The following KDM6B variants were observed in gnomAD, a reference collection of about 807,000 sequenced individuals.
The protein encoded by KDM6B is lysine demethylase 6B, also known as lysine-specific demethylase 6B.
Under a neutral mutation model 150.4 loss-of-function variants are expected in KDM6B, and 22 were observed. The observed-to-expected ratio is 0.15, with a 90% CI of 0.10 to 0.21. The LOEUF (loss-of-function observed/expected upper bound fraction) is 0.21, where lower values mean the gene tolerates loss of function less well. Ranked by LOEUF, KDM6B falls within the 10% of genes least tolerant of loss-of-function variation. The probability of loss-of-function intolerance (pLI) is 1.00; values close to 1 mark genes in which losing one functional copy is unlikely to be tolerated. For missense variants in KDM6B, 1,984 were observed against 2,234.3 expected, an observed-to-expected ratio of 0.89 and a Z score of 2.26; for synonymous variants, 1,148 against 921.1, an observed-to-expected ratio of 1.25 and a Z score of -4.46.
chr17:7,835,143 C>G (rs2078307647), intron 1 of KDM6B, among the ~76,000 whole-genome samples: 2 of 152,132 alleles, frequency 1.3e-5, no homozygotes. Context: ...TCTGGGCCCC[C>G]TCACAGGAAA....
intron 20 of KDM6B, 47 bp from the exon 21 acceptor site, chr17:7,852,448 T>A (rs200413847): frequency 5.4e-6 from 7 of 1,289,832 alleles, no homozygotes; most frequent in Non-Finnish European, 6.3e-6. Flanking sequence ...GGCCTAGGTG[T>A]CTGGGGGCTG....
rs2078567475 is a variant in KDM6B at position 7,847,170 on chromosome 17, T to C, written c.975T>C (p.Pro325=). Residue 325 remains proline, a synonymous_variant, in exon 11 of 24, where the codon CCT becomes CCC. Transcript: ENST00000448097. ...YPAPAYTAHP[P]GHRLVPAAPP... ...CTCCAGCGTACACCGCGCACCCCCC[T>C]GGCCACCGGCTGGTCCCGGCTGCTC... is the stretch of plus-strand genomic sequence containing the variant. 1.2e-6 allele frequency: 2 copies of C among 1,604,518 alleles called. No individual in the cohort carries two copies. Among genetic ancestry groups the C allele is most frequent in the Admixed American group, 1.7e-5 (1 of 59,950 alleles).
Position 7,851,061 on chromosome 17 carries a change from T to C in KDM6B, c.3714T>C (p.Ser1238=), listed in dbSNP as rs933989162. 6.2e-7 allele frequency: 1 copy of C among 1,612,434 alleles called. No individual in the cohort carries two copies. The highest frequency in any genetic ancestry group is 8.5e-7 in the Non-Finnish European group (1 of 1,179,678). Residue 1238 remains serine, a synonymous_variant, in exon 15 of 24, where the codon AGT becomes AGC. Transcript: ENST00000448097. The part of the protein sequence containing the change: ...LFSTKTLVEA[S]GEHTVEVRTQ... ...CCACCAAGACCCTGGTGGAAGCGAG[T>C]GGCGAACACACCGTGGAAGTTCGCA...
At chr17:7,839,553 G>A (rs1483918025) in intron 1 of KDM6B, among the ~76,000 whole-genome samples, 2 of 152,120 alleles carry the variant, frequency 1.3e-5, no homozygotes, top group African/African-American at 2.4e-5. Flanking sequence ...TGCATGCCCT[G>A]GTGCTAGGAC....
Position 7,844,773 on chromosome 17 carries a change from G to C in KDM6B, c.-268-128G>C, listed in dbSNP as rs1444269486. 6.5e-6 allele frequency: 1 copy of C among 153,236 alleles called. No homozygotes were observed. Among genetic ancestry groups the C allele is most frequent in the Non-Finnish European group, 1.5e-5 (1 of 68,444 alleles). 9.5% of individuals were successfully genotyped at this position (153,236 alleles called of 1,614,324 possible). Reference sequence around the variant, plus strand: ...GCCGGAGTGTCGGATCCTAGATGGGGACCCTAGGTGGGAGCCGCGGGGTCA... The same window carrying C: ...GCCGGAGTGTCGGATCCTAGATGGGCACCCTAGGTGGGAGCCGCGGGGTCA... On this transcript the variant is annotated intron_variant, in intron 2 of 23. Transcript: ENST00000448097. The surrounding 1 kb of genome is among the most constrained non-coding windows in gnomAD (Gnocchi z 5.9).
In KDM6B at chr17:7,848,219, C is replaced by T. The variant is rs2078605466; in HGVS notation, c.1931C>T (p.Pro644Leu). The T allele has an allele frequency of 6.2e-7, 1 of 1,608,106 alleles. No individual in the cohort carries two copies. Among genetic ancestry groups the T allele is most frequent in the Admixed American group, 1.7e-5 (1 of 59,984 alleles). The change falls in exon 12 of 24, where the codon CCA becomes CTA. Residue 644 changes from proline to leucine, a missense_variant. By Grantham distance (98) the Pro-to-Leu change is moderately conservative. Around this residue, in one of 13 missense-constraint regions of KDM6B, gnomAD observed 1,379 missense variants for 1,275.6 expected, o/e 1.08. Coordinates refer to ENST00000448097, the MANE Select transcript of KDM6B (RefSeq NM_001348716.2). ...AAGACCCCCGAGGTGGGGCCGGGGCCACCCCCAGGCCCCCTGAGTAAAGCC... is the reference window on the plus strand; with the variant it reads ...AAGACCCCCGAGGTGGGGCCGGGGCTACCCCCAGGCCCCCTGAGTAAAGCC... ...FPKTPEVGPG[P>L]PPGPLSKAPQ...
chr17:7,851,803 T>G lies in KDM6B; in HGVS notation c.4165+7T>G, dbSNP rs752816241. On this transcript the variant is annotated splice_region_variant and intron_variant, in intron 18 of 23. Coordinates refer to ENST00000448097, the MANE Select transcript of KDM6B (RefSeq NM_001348716.2). ...CCCGGCAGCCGAACGCCAGGTGCGC[T>G]CCACGCCTGTGCGCGCTGATGCTGG... 5.8e-6 allele frequency: 9 copies of G among 1,555,462 alleles called. No homozygotes were observed. Among genetic ancestry groups the G allele is most frequent in the Non-Finnish European group, 7.8e-6 (9 of 1,149,924 alleles).
In KDM6B at chr17:7,849,921, C is replaced by T; in HGVS notation, c.3541C>T (p.Leu1181Phe). ...NTEEKLPREK[L>F]NPPTPSIYLE... Reference sequence around the variant, plus strand: ...TGAGGAGAAGCTGCCCCGGGAAAAACTCAACCCCCCTACACCCAGCATCTA... The same window carrying T: ...TGAGGAGAAGCTGCCCCGGGAAAAATTCAACCCCCCTACACCCAGCATCTA... Residue 1181 changes from leucine (L) to phenylalanine (F), a missense_variant, in exon 13 of 24, where the codon CTC becomes TTC. Physicochemically the swap from Leu to Phe is conservative, Grantham distance 22. Coordinates refer to ENST00000448097, the MANE Select transcript of KDM6B (RefSeq NM_001348716.2). The T allele has an allele frequency of 6.2e-7, 1 of 1,613,618 alleles. No homozygotes were observed. Among genetic ancestry groups the T allele is most frequent in the Non-Finnish European group, 8.5e-7 (1 of 1,180,032 alleles).
intron 21 of KDM6B, 38 bp downstream of exon 21, chr17:7,852,674 ACTGGTCC>A: frequency 1.9e-6 from 3 of 1,613,132 alleles, no homozygotes; most frequent in Non-Finnish European, 2.5e-6. Flanking sequence ...ACCTCCACTG[ACTGGTCC>A]CTTTTCTTGT....
Position 7,844,992 on chromosome 17 carries a change from C to CA in KDM6B, c.-177_-176insA. Reference sequence around the variant, plus strand: ...GCCAGATCTCTGGAGCTTGCCGACGCGGTGTGAGGACGCTCCCACGGAGGC... The same window carrying CA: ...GCCAGATCTCTGGAGCTTGCCGACGCAGGTGTGAGGACGCTCCCACGGAGGC... On this transcript the variant is annotated 5_prime_UTR_variant, in exon 3 of 24. Coordinates refer to ENST00000448097, the MANE Select transcript of KDM6B (RefSeq NM_001348716.2). This position sits in a 1 kb window ranked among gnomAD's most constrained non-coding sequence, Gnocchi z 5.9. 1 of 175,206 alleles carries CA rather than the reference C, an allele frequency of 5.7e-6. No individual in the cohort carries two copies. Among genetic ancestry groups the CA allele is most frequent in the South Asian group, 1.1e-4 (1 of 8,968 alleles). The allele number at this position is 175,206 out of a possible 1,614,324, so 10.9% of individuals were successfully genotyped here.
intron 1 of KDM6B, among the ~76,000 whole-genome samples, chr17:7,837,180 C>T (rs368764076): frequency 6.6e-6 from 1 of 152,124 alleles, no homozygotes; most frequent in South Asian, 2.1e-4. Flanking sequence ...GCTACCTAGC[C>T]GTCATTTTAC....
Position 7,844,430 on chromosome 17 carries a change from G to C in KDM6B, c.-268-471G>C, listed in dbSNP as rs529234061. Reference sequence around the variant, plus strand: ...GTGGAGCGCCGATAGCGGCGCGGACGGGTTTGGGTGCCGTGGAAGTCGCTG... The same window carrying C: ...GTGGAGCGCCGATAGCGGCGCGGACCGGTTTGGGTGCCGTGGAAGTCGCTG... On this transcript the variant is annotated intron_variant, in intron 2 of 23. Transcript: ENST00000448097. This position sits in a 1 kb window ranked among gnomAD's most constrained non-coding sequence, Gnocchi z 5.9. The C allele has an allele frequency of 1.3e-4, 20 of 152,572 alleles. No individual in the cohort carries two copies. In the South Asian group the frequency reaches 3.1e-3, roughly 24 times the overall value. 9.5% of individuals were successfully genotyped at this position (152,572 alleles called of 1,614,324 possible).
Position 7,845,900 on chromosome 17 carries a change from C to T in KDM6B, c.166C>T (p.Leu56Phe). The change falls in exon 6 of 24, where the codon CTT (leucine) becomes TTT (phenylalanine). Residue 56 changes from leucine to phenylalanine, a missense_variant. Leu to Phe is a conservative substitution (Grantham distance 22, BLOSUM62 0). Around this residue, in one of 13 missense-constraint regions of KDM6B, gnomAD observed 337 missense variants for 323.9 expected, o/e 1.04. Transcript: ENST00000448097. ...CTCAGCCAGCATTGGGCAGCCCCCG[C>T]TTCCTGCTCCCCTACCCCCTTCACA... Reference protein sequence around the residue: ...RCSASIGQPPLPAPLPPSHGS... With the variant: ...RCSASIGQPPFPAPLPPSHGS... The T allele has an allele frequency of 6.2e-7, 1 of 1,614,060 alleles. No homozygotes were observed.
chr17:7,854,028 A>G lies in KDM6B; in HGVS notation c.*507A>G, dbSNP rs73977769. The G allele has an allele frequency of 7.8e-3, 1,190 of 152,144 alleles. 11 individuals carry two copies. Among genetic ancestry groups the G allele is most frequent in the African/African-American group, 0.027 (1,110 of 41,220 alleles). 9.4% of individuals were successfully genotyped at this position (152,144 alleles called of 1,614,324 possible). On this transcript the variant is annotated 3_prime_UTR_variant, in exon 24 of 24. Transcript: ENST00000448097. ...GACCCCTGTACATGTCTCTTTATTCACTTGGTTATGATTTGTATTTTTTGT... is the reference window on the plus strand; with the variant it reads ...GACCCCTGTACATGTCTCTTTATTCGCTTGGTTATGATTTGTATTTTTTGT...
intron 19 of KDM6B, 38 bp from the exon 20 acceptor site, chr17:7,852,111 G>GGTC (rs772870561): frequency 6.2e-7 from 1 of 1,613,806 alleles, no homozygotes. Flanking sequence ...CCCCGCCCTC[G>GGTC]GTCCCCAGTT....
chr17:7,834,877 A>AC (rs1244036540), intron 1 of KDM6B, among the ~76,000 whole-genome samples: 2 of 140,028 alleles, frequency 1.4e-5, no homozygotes, highest in African/African-American at 2.7e-5. Flanking sequence ...TCTTCCCACC[A>AC]CCCCCCTGCG....
chr17:7,850,986 TCTGCC>T (rs756112445), intron 14 of KDM6B, 30 bp from the exon 15 acceptor site: 1 of 1,526,414 alleles, frequency 6.6e-7, no homozygotes, highest in South Asian at 1.2e-5. Flanking sequence ...ATCCTCTGCC[TCTGCC>T]CCGACACCCT....
chr17:7,851,481 C>T lies in KDM6B; in HGVS notation c.3948C>T (p.Ser1316=), dbSNP rs1462683450. The T allele has an allele frequency of 3.7e-6, 6 of 1,614,214 alleles. No homozygotes were observed. Among genetic ancestry groups the T allele is most frequent in the Middle Eastern group, 1.6e-4 (1 of 6,062 alleles). Reference sequence around the variant, plus strand: ...CCTGTGCTCTTCGCCCCAGCAGCAGCGCACCAGACCCGAAGAACCATCACA... The same window carrying T: ...CCTGTGCTCTTCGCCCCAGCAGCAGTGCACCAGACCCGAAGAACCATCACA... ...PDSTTGTPPS[S]APDPKNHHII... The change falls in exon 17 of 24, where the codon AGC becomes AGT. Residue 1316 remains serine, a synonymous_variant. Transcript: ENST00000448097.
rs147914313 is a variant in KDM6B at position 7,842,647 on chromosome 17, C to T, written c.-268-2254C>T. ...AGCGCCGCGTCGGGGCTGCCCGGCA[C>T]GGGGAGGGGCCATCGTGGGGGAAGA... On this transcript the variant is annotated intron_variant, in intron 2 of 23. Coordinates refer to ENST00000448097, the MANE Select transcript of KDM6B (RefSeq NM_001348716.2). 8.2e-3 allele frequency among the ~76,000 whole-genome samples: 1,254 copies of T among 152,222 alleles called. 24 individuals carry two copies. The highest frequency in any genetic ancestry group is 0.028 in the African/African-American group (1,150 of 41,550).
Sources: allele counts gnomAD v4.1 joint callset (sites outside exome capture counted in the v4.1 genomes callset), GRCh38; gene constraint gnomAD v4.1.1; regional missense constraint gnomAD v4.1.1; non-coding constraint Gnocchi (gnomAD v3.1); transcripts MANE v1.5; gene names NCBI Gene and HGNC (gene_info 2026-07-23, HGNC 2026-07-21).